The following RMST variants were observed in gnomAD, a reference collection of about 807,000 sequenced individuals.
RMST encodes the protein long intergenic non-protein coding RNA 54.
At chr12:97,539,216 A>C (rs540385541) in intron 11 of RMST, among the ~76,000 whole-genome samples, 1 of 151,604 alleles carries the variant, frequency 6.6e-6, no homozygotes, top group Non-Finnish European at 1.5e-5. Context: ...ACTTAAAAGC[A>C]TTAGGCCTTT....
At chr12:97,487,162 G>A (rs1876204520) in intron 5 of RMST, among the ~76,000 whole-genome samples, 1 of 152,150 alleles carries the variant, frequency 6.6e-6, no homozygotes, top group African/African-American at 2.4e-5. Flanking sequence ...CATCTGAAGT[G>A]TTGTCTCATT....
chr12:97,500,764 G>T (rs749306000), intron 10 of RMST, among the ~76,000 whole-genome samples: 2 of 152,134 alleles, frequency 1.3e-5, no homozygotes, highest in African/African-American at 4.8e-5. Context: ...ATCCCATTCA[G>T]GTCAGCCCGA....
chr12:97,512,235 C>G (rs1879417883), intron 10 of RMST, among the ~76,000 whole-genome samples: 2 of 152,120 alleles, frequency 1.3e-5, no homozygotes, highest in Non-Finnish European at 2.9e-5. Flanking sequence ...GGTTCATGGT[C>G]CCGCTGGCTT....
chr12:97,537,288 C>T (rs1813621340), intron 11 of RMST, among the ~76,000 whole-genome samples: 1 of 151,076 alleles, frequency 6.6e-6, no homozygotes, highest in Non-Finnish European at 1.5e-5. Context: ...ATGATTAAAC[C>T]CTTAGGCAGA....
intron 11 of RMST, among the ~76,000 whole-genome samples, chr12:97,553,567 G>A (rs531470932): frequency 3.3e-5 from 5 of 152,304 alleles, no homozygotes; most frequent in African/African-American, 1.2e-4. Context: ...TTTAGCAGGT[G>A]TGTTGTGGTC....
At chr12:97,522,880 T>C (rs768646422) in intron 10 of RMST, among the ~76,000 whole-genome samples, 1 of 152,206 alleles carries the variant, frequency 6.6e-6, no homozygotes, top group Non-Finnish European at 1.5e-5. Context: ...GCGTGGATTA[T>C]GGGCTTTAGG....
chr12:97,563,018 T>C (rs961010063), intron 13 of RMST, among the ~76,000 whole-genome samples: 3 of 152,172 alleles, frequency 2.0e-5, no homozygotes, highest in African/African-American at 4.8e-5. Context: ...GATAAAACCA[T>C]TGGGATTTAT....
rs578161394 is a variant in RMST, at chr12:97,538,702, T to A, written n.1545+7843T>A. On this transcript the variant is annotated intron_variant and non_coding_transcript_variant, in intron 11 of 13. Coordinates refer to ENST00000640149, the Ensembl canonical transcript of RMST. ...GATGCAAATTTGAACATAATTATAG[T>A]TTGGCACATTTAATTTAGGTTTAAG... Among the ~76,000 whole-genome samples the A allele has an allele frequency of 1.3e-3, 190 of 151,518 alleles. 1 individual carries two copies. Among genetic ancestry groups the A allele is most frequent in the African/African-American group, 4.4e-3 (183 of 41,456 alleles).
intron 10 of RMST, among the ~76,000 whole-genome samples, chr12:97,504,711 C>T (rs986071406): frequency 6.6e-6 from 1 of 152,048 alleles, no homozygotes; most frequent in Admixed American, 6.6e-5. Context: ...ATTAGATTTG[C>T]CTGAAGGGGT....
chr12:97,476,300 G>A (rs1313932650), intron 5 of RMST, among the ~76,000 whole-genome samples: 1 of 152,166 alleles, frequency 6.6e-6, no homozygotes, highest in African/African-American at 2.4e-5. Flanking sequence ...TTCTACTGTG[G>A]CTTCATCTGC....
At chr12:97,495,186 G>A (rs971268219) in intron 9 of RMST, among the ~76,000 whole-genome samples, 2 of 149,296 alleles carry the variant, frequency 1.3e-5, no homozygotes, top group Non-Finnish European at 3.0e-5. Flanking sequence ...TGGGGGGGGA[G>A]CCGCTGGGAA....
At chr12:97,534,020 C>T (rs1005699394) in intron 11 of RMST, among the ~76,000 whole-genome samples, 4 of 151,750 alleles carry the variant, frequency 2.6e-5, no homozygotes, top group African/African-American at 9.7e-5. Context: ...CTCTGGCATC[C>T]TCCAGAGAGT....
At chr12:97,550,895 A>G (rs1883264576) in intron 11 of RMST, among the ~76,000 whole-genome samples, 2 of 152,216 alleles carry the variant, frequency 1.3e-5, no homozygotes, top group Admixed American at 1.3e-4. Context: ...CCAGGTGAAT[A>G]GAGCACTGAC....
chr12:97,519,443 A>C (rs1345857188), intron 10 of RMST, among the ~76,000 whole-genome samples: 1 of 152,188 alleles, frequency 6.6e-6, no homozygotes, highest in African/African-American at 2.4e-5. Flanking sequence ...AATGCTTACC[A>C]TTTGTTCGAG....
At chr12:97,559,962 C>G (rs1443960502) in intron 11 of RMST, among the ~76,000 whole-genome samples, 1 of 152,104 alleles carries the variant, frequency 6.6e-6, no homozygotes, top group Admixed American at 6.6e-5. Flanking sequence ...TTAAGTAAAT[C>G]CTTTTTATCT....
At chr12:97,523,966 C>T (rs1880788875) in intron 10 of RMST, among the ~76,000 whole-genome samples, 1 of 149,026 alleles carries the variant, frequency 6.7e-6, no homozygotes, top group African/African-American at 2.5e-5. Flanking sequence ...GTCCCAGCTA[C>T]TTGGGAGACT....
chr12:97,553,496 A>G (rs1883456301), intron 11 of RMST, among the ~76,000 whole-genome samples: 1 of 152,220 alleles, frequency 6.6e-6, no homozygotes, highest in African/African-American at 2.4e-5. Flanking sequence ...TGAGGGCAGG[A>G]AAGATGTCTA....
rs576005303 is a variant in RMST at position 97,517,603 on chromosome 12, A to G, written n.1341-13052A>G. Among the ~76,000 whole-genome samples, 106 of 152,160 alleles carry G rather than the reference A, an allele frequency of 7.0e-4. 1 individual carries two copies. Among genetic ancestry groups the G allele is most frequent in the African/African-American group, 2.4e-3 (100 of 41,572 alleles). On this transcript the variant is annotated intron_variant and non_coding_transcript_variant, in intron 10 of 13. Transcript: ENST00000640149. The stretch of plus-strand genomic sequence containing the variant: ...CTTGTTCAAATCAATCATCTTGAGC[A>G]TTATCCCACAATAACAGGTTTTTCA...
chr12:97,490,129 TAGA>T lies in RMST; in HGVS notation n.645-2327_645-2325del, dbSNP rs1158296069. Among the ~76,000 whole-genome samples the T allele has an allele frequency of 9.2e-5, 14 of 152,308 alleles. No homozygotes were observed. In the East Asian group the frequency reaches 2.1e-3, roughly 23 times the overall value. The stretch of plus-strand genomic sequence containing the variant: ...TGTAAAGGAAATCCTGAATGAGATT[TAGA>T]AGAATGAGTGAGAAATAGAAGAATG... On this transcript the variant is annotated intron_variant and non_coding_transcript_variant, in intron 5 of 13. Transcript: ENST00000640149.
Sources: allele counts gnomAD v4.1 joint callset (sites outside exome capture counted in the v4.1 genomes callset), GRCh38; gene constraint gnomAD v4.1.1; transcripts MANE v1.5; gene names NCBI Gene and HGNC (gene_info 2026-07-23, HGNC 2026-07-21).